FBLL1: variants seen among roughly 807,000 people sequenced by gnomAD.
FBLL1 encodes the protein fibrillarin like rRNA 2'-O-methyltransferase 1.
FBLL1 carries 6 observed loss-of-function variants against 5.7 expected under a neutral mutation model. The observed-to-expected ratio is 1.05, with a 90% CI of 0.57 to 2.07. FBLL1 has a LOEUF of 2.07. Ranked by LOEUF, FBLL1 falls within the 30% of genes most tolerant of loss-of-function variation. The pLI, the probability that FBLL1 is intolerant of heterozygous loss-of-function variation, is 0.00. For missense variants in FBLL1, 258 were observed against 165.2 expected (o/e 1.56, Z -3.08); for synonymous variants, 133 against 75.1 (o/e 1.77, Z -3.99).
At position 168,530,091 on chromosome 5, in the gene FBLL1, ACGGCCTGGTCTACGCCGT is replaced by A; in HGVS notation, c.590_607del (p.Gly197_Val202del). ...CATGTCTCCGACATCATTGGCCCAG[ACGGCCTGGTCTACGCCGT>A]CGAGTTCTCCCACCGCGCCGGCCGC... On this transcript the variant is annotated inframe_deletion, in exon 1 of 1. Coordinates refer to ENST00000338333, the MANE Select transcript of FBLL1 (RefSeq NM_001355274.2). This position sits in a 1 kb window ranked among gnomAD's most constrained non-coding sequence, Gnocchi z 4.9. 1 of 759,310 alleles carries A rather than the reference ACGGCCTGGTCTACGCCGT, an allele frequency of 1.3e-6. No homozygotes were observed. Among genetic ancestry groups the A allele is most frequent in the Non-Finnish European group, 2.4e-6 (1 of 415,472 alleles). 47.0% of individuals were successfully genotyped at this position (759,310 alleles called of 1,614,324 possible).
chr5:168,529,911 C>T lies in FBLL1; in HGVS notation c.407C>T (p.Thr136Met), dbSNP rs780004126. ...GQSVYGERRV[T>M]VTEGGVKQEY... is the part of the protein sequence containing the mutation. ...TCTGTGTACGGCGAGAGGCGCGTCACGGTGACCGAGGGCGGCGTGAAGCAG... is the reference window on the plus strand; with the variant it reads ...TCTGTGTACGGCGAGAGGCGCGTCATGGTGACCGAGGGCGGCGTGAAGCAG... Residue 136 changes from threonine (T) to methionine (M), a missense_variant, in exon 1 of 1, where the codon ACG becomes ATG. Coordinates refer to ENST00000338333, the MANE Select transcript of FBLL1 (RefSeq NM_001355274.2). The surrounding 1 kb of genome is among the most constrained non-coding windows in gnomAD (Gnocchi z 7.2). 6.9e-6 allele frequency: 5 copies of T among 725,668 alleles called. No homozygotes were observed. The highest frequency in any genetic ancestry group is 1.3e-5 in the Non-Finnish European group (5 of 398,562). 45.0% of individuals were successfully genotyped at this position (725,668 alleles called of 1,614,324 possible). A position where few individuals can be genotyped will look rare whatever the true frequency, so the allele number is the denominator to read the frequency against.
Position 168,529,931 on chromosome 5 carries a change from A to C in FBLL1, c.427A>C (p.Lys143Gln). The change falls in exon 1 of 1, where the codon AAG (lysine) becomes CAG (glutamine). Residue 143 changes from lysine to glutamine, a missense_variant. Lys to Gln is a moderately conservative substitution (Grantham distance 53, BLOSUM62 1). Coordinates refer to ENST00000338333, the MANE Select transcript of FBLL1 (RefSeq NM_001355274.2). This position sits in a 1 kb window ranked among gnomAD's most constrained non-coding sequence, Gnocchi z 7.2. ...RRVTVTEGGV[K>Q]QEYRTWNPFR... ...CGTCACGGTGACCGAGGGCGGCGTG[A>C]AGCAGGAGTACCGCACGTGGAACCC... 1.4e-6 allele frequency: 1 copy of C among 734,290 alleles called. No individual in the cohort carries two copies. 45.5% of individuals were successfully genotyped at this position (734,290 alleles called of 1,614,324 possible).
chr5:168,530,612 T>C lies in FBLL1; in HGVS notation c.*103T>C, dbSNP rs1039992259. The C allele has an allele frequency of 2.1e-5, 13 of 613,596 alleles. No homozygotes were observed. The Admixed American group carries it at 3.4e-4, about 16-fold the overall frequency. The allele number at this position is 613,596 out of a possible 1,614,324, so 38.0% of individuals were successfully genotyped here. A position where few individuals can be genotyped will look rare whatever the true frequency, so the allele number is the denominator to read the frequency against. On this transcript the variant is annotated 3_prime_UTR_variant, in exon 1 of 1. Transcript: ENST00000338333. This position sits in a 1 kb window ranked among gnomAD's most constrained non-coding sequence, Gnocchi z 4.9. ...AGTGTTTTGTTTTGTTGTTTTTCTA[T>C]TAAACTGCATAAAGAAACGGCACCT...
rs1473754539 is a variant in FBLL1, at chr5:168,530,383, T to G, written c.879T>G (p.Ser293=). ...STASAEAVFA[S]EVRKLQQENL... ...CATCCGCCGAGGCTGTGTTTGCTTC[T>G]GAGGTGAGGAAGTTGCAGCAGGAGA... The change falls in exon 1 of 1, where the codon TCT becomes TCG. Residue 293 remains serine, a synonymous_variant. Transcript: ENST00000338333. This position sits in a 1 kb window ranked among gnomAD's most constrained non-coding sequence, Gnocchi z 4.9. 3 of 765,238 alleles carry G rather than the reference T, an allele frequency of 3.9e-6. No individual in the cohort carries two copies. The highest frequency in any genetic ancestry group is 7.2e-6 in the Non-Finnish European group (3 of 417,806). The allele number at this position is 765,238 out of a possible 1,614,324, so 47.4% of individuals were successfully genotyped here.
Position 168,530,299 on chromosome 5 carries a change from C to A in FBLL1, c.795C>A (p.Phe265Leu). ...TCGTGGCCCTGAACGCCCACACCTTCCTGCGCAATGGGGGCCACTTTCTCA... is the reference window on the plus strand; with the variant it reads ...TCGTGGCCCTGAACGCCCACACCTTACTGCGCAATGGGGGCCACTTTCTCA... ...SRIVALNAHTFLRNGGHFLIS... is the reference protein window; with the variant it reads ...SRIVALNAHTLLRNGGHFLIS... Residue 265 changes from phenylalanine (F) to leucine (L), a missense_variant, in exon 1 of 1, where the codon TTC becomes TTA. Physicochemically the swap from Phe to Leu is conservative, Grantham distance 22. Transcript: ENST00000338333. This position sits in a 1 kb window ranked among gnomAD's most constrained non-coding sequence, Gnocchi z 4.9. 1.3e-6 allele frequency: 1 copy of A among 765,978 alleles called. No homozygotes were observed. The highest frequency in any genetic ancestry group is 2.4e-6 in the Non-Finnish European group (1 of 418,026). 47.4% of individuals were successfully genotyped at this position (765,978 alleles called of 1,614,324 possible). A position where few individuals can be genotyped will look rare whatever the true frequency, so the allele number is the denominator to read the frequency against.
chr5:168,529,387 C>CCCGCCT lies in FBLL1; in HGVS notation c.-113_-108dup, dbSNP rs1441379591. ...TGCCCCCGCCGCCCGCCGCCCGCCGCCCGCCTCCGCTGCTAAACCCGCGGA... is the reference window on the plus strand; with the variant it reads ...TGCCCCCGCCGCCCGCCGCCCGCCGCCCGCCTCCGCCTCCGCTGCTAAACCCGCGGA... On this transcript the variant is annotated 5_prime_UTR_variant, in exon 1 of 1. Coordinates refer to ENST00000338333, the MANE Select transcript of FBLL1 (RefSeq NM_001355274.2). The surrounding 1 kb of genome is among the most constrained non-coding windows in gnomAD (Gnocchi z 7.2). The CCCGCCT allele has an allele frequency of 7.2e-5, 11 of 153,086 alleles. No individual in the cohort carries two copies. Among genetic ancestry groups the CCCGCCT allele is most frequent in the African/African-American group, 2.6e-4 (11 of 41,538 alleles). The allele number at this position is 153,086 out of a possible 1,614,324, so 9.5% of individuals were successfully genotyped here.
rs756247730 is a variant in FBLL1 at position 168,529,833 on chromosome 5, T to C, written c.329T>C (p.Ile110Thr). ...CCGCACCGGCACGAGGGCGTCTTCA[T>C]CTACCGCGGGGCGGAGGACGCGCTG... is the stretch of plus-strand genomic sequence containing the variant. ...VEPHRHEGVF[I>T]YRGAEDALVT... Residue 110 changes from isoleucine (I) to threonine (T), a missense_variant, in exon 1 of 1, where the codon ATC (isoleucine) becomes ACC (threonine). Ile to Thr is a moderately conservative substitution (Grantham distance 89, BLOSUM62 -1). Transcript: ENST00000338333. The surrounding 1 kb of genome is among the most constrained non-coding windows in gnomAD (Gnocchi z 7.2). The C allele has an allele frequency of 1.1e-3, 769 of 703,390 alleles. No homozygotes were observed. The highest frequency in any genetic ancestry group is 1.7e-3 in the Non-Finnish European group (644 of 385,898). 43.6% of individuals were successfully genotyped at this position (703,390 alleles called of 1,614,324 possible).
chr5:168,530,232 A>G lies in FBLL1; in HGVS notation c.728A>G (p.Asp243Gly), dbSNP rs1190661164. The G allele has an allele frequency of 2.6e-6, 2 of 765,792 alleles. No homozygotes were observed. The highest frequency in any genetic ancestry group is 2.4e-6 in the Non-Finnish European group (1 of 417,984). 47.4% of individuals were successfully genotyped at this position (765,792 alleles called of 1,614,324 possible). ...TACCGCATGCTCATCGGGATGGTGG[A>G]CGTGATCTTCGCCGACGTGGCCCAG... is the stretch of plus-strand genomic sequence containing the variant. ...LKYRMLIGMVDVIFADVAQPD... is the reference protein window; with the variant it reads ...LKYRMLIGMVGVIFADVAQPD... The change falls in exon 1 of 1, where the codon GAC (aspartate) becomes GGC (glycine). Residue 243 changes from aspartate (D) to glycine (G), a missense_variant. Coordinates refer to ENST00000338333, the MANE Select transcript of FBLL1 (RefSeq NM_001355274.2). The surrounding 1 kb of genome is among the most constrained non-coding windows in gnomAD (Gnocchi z 4.9).
chr5:168,530,484 C>G lies in FBLL1; in HGVS notation c.980C>G (p.Pro327Arg). The G allele has an allele frequency of 1.3e-6, 1 of 762,842 alleles. No homozygotes were observed. The highest frequency in any genetic ancestry group is 1.4e-5 in the South Asian group (1 of 74,008). 47.3% of individuals were successfully genotyped at this position (762,842 alleles called of 1,614,324 possible). ...GCTGTGGTGGTCGGGGTCTACCGAC[C>G]TCTTCCCAAGAGCAGCAGCAAATAG... The part of the protein sequence containing the change: ...DHAVVVGVYR[P>R]LPKSSSK Residue 327 changes from proline (P) to arginine (R), a missense_variant, in exon 1 of 1, where the codon CCT (proline) becomes CGT (arginine). Coordinates refer to ENST00000338333, the MANE Select transcript of FBLL1 (RefSeq NM_001355274.2). The surrounding 1 kb of genome is among the most constrained non-coding windows in gnomAD (Gnocchi z 4.9).
Position 168,529,550 on chromosome 5 carries a change from G to C in FBLL1, c.46G>C (p.Gly16Arg), listed in dbSNP as rs1300947364. The change falls in exon 1 of 1, where the codon GGG becomes CGG. Residue 16 changes from glycine to arginine, a missense_variant. Coordinates refer to ENST00000338333, the MANE Select transcript of FBLL1 (RefSeq NM_001355274.2). This position sits in a 1 kb window ranked among gnomAD's most constrained non-coding sequence, Gnocchi z 7.2. ...GCGCGGGGGCGGTGGGGGCGGCCGC[G>C]GGGGCGGCGGCTGGGGCAGCTGGGG... ...SSRGGGGGGR[G>R]GGGWGSWGGG... 1 of 149,606 alleles carries C rather than the reference G, an allele frequency of 6.7e-6. No homozygotes were observed. Among genetic ancestry groups the C allele is most frequent in the African/African-American group, 2.4e-5 (1 of 40,944 alleles). The allele number at this position is 149,606 out of a possible 1,614,324, so 9.3% of individuals were successfully genotyped here. A position where few individuals can be genotyped will look rare whatever the true frequency, so the allele number is the denominator to read the frequency against.
rs1758941878 is a variant in FBLL1 at position 168,529,700 on chromosome 5, C to A, written c.196C>A (p.Arg66Ser). ...CGGCGGGGGCGGCCGGGGCCGGGGG[C>A]GCGGCGGCGGCGACGGCAAGGATCG... Reference protein sequence around the residue: ...GFGGGGRGRGRGGGDGKDRGG... With the variant: ...GFGGGGRGRGSGGGDGKDRGG... The change falls in exon 1 of 1, where the codon CGC becomes AGC. Residue 66 changes from arginine (R) to serine (S), a missense_variant. Arg to Ser is a moderately radical substitution (Grantham distance 110, BLOSUM62 -1). Coordinates refer to ENST00000338333, the MANE Select transcript of FBLL1 (RefSeq NM_001355274.2). The surrounding 1 kb of genome is among the most constrained non-coding windows in gnomAD (Gnocchi z 7.2). 8.3e-6 allele frequency: 3 copies of A among 363,428 alleles called. No homozygotes were observed. The highest frequency in any genetic ancestry group is 1.5e-5 in the Non-Finnish European group (3 of 204,470). 22.5% of individuals were successfully genotyped at this position (363,428 alleles called of 1,614,324 possible).
chr5:168,530,621 A>G lies in FBLL1; in HGVS notation c.*112A>G. On this transcript the variant is annotated 3_prime_UTR_variant, in exon 1 of 1. Coordinates refer to ENST00000338333, the MANE Select transcript of FBLL1 (RefSeq NM_001355274.2). The surrounding 1 kb of genome is among the most constrained non-coding windows in gnomAD (Gnocchi z 4.9). ...TTTTGTTGTTTTTCTATTAAACTGC[A>G]TAAAGAAACGGCACCTATCTGTATG... The G allele has an allele frequency of 1.6e-6, 1 of 610,376 alleles. No homozygotes were observed. Among genetic ancestry groups the G allele is most frequent in the Non-Finnish European group, 2.9e-6 (1 of 343,744 alleles). The allele number at this position is 610,376 out of a possible 1,614,324, so 37.8% of individuals were successfully genotyped here. A position where few individuals can be genotyped will look rare whatever the true frequency, so the allele number is the denominator to read the frequency against.
Position 168,530,550 on chromosome 5 carries a change from TTG to T in FBLL1, c.*45_*46del, listed in dbSNP as rs1365205291. On this transcript the variant is annotated 3_prime_UTR_variant, in exon 1 of 1. Coordinates refer to ENST00000338333, the MANE Select transcript of FBLL1 (RefSeq NM_001355274.2). This position sits in a 1 kb window ranked among gnomAD's most constrained non-coding sequence, Gnocchi z 4.9. The stretch of plus-strand genomic sequence containing the variant: ...CGCCTGCCATCTCCCCAAGGCTGCG[TTG>T]TGTTTGCTATTATTTTCTGTGTGTT... 4 of 698,148 alleles carry T rather than the reference TTG, an allele frequency of 5.7e-6. No individual in the cohort carries two copies. The African/African-American group carries it at 7.1e-5, about 12-fold the overall frequency. The allele number at this position is 698,148 out of a possible 1,614,324, so 43.2% of individuals were successfully genotyped here. A position where few individuals can be genotyped will look rare whatever the true frequency, so the allele number is the denominator to read the frequency against.
Position 168,529,878 on chromosome 5 carries a change from C to G in FBLL1, c.374C>G (p.Pro125Arg). 1 of 714,776 alleles carries G rather than the reference C, an allele frequency of 1.4e-6. No individual in the cohort carries two copies. The highest frequency in any genetic ancestry group is 1.5e-5 in the South Asian group (1 of 67,764). The allele number at this position is 714,776 out of a possible 1,614,324, so 44.3% of individuals were successfully genotyped here. Residue 125 changes from proline (P) to arginine (R), a missense_variant, in exon 1 of 1, where the codon CCG becomes CGG. Physicochemically the swap from Pro to Arg is moderately radical, Grantham distance 103 (BLOSUM62 -2). Coordinates refer to ENST00000338333, the MANE Select transcript of FBLL1 (RefSeq NM_001355274.2). The surrounding 1 kb of genome is among the most constrained non-coding windows in gnomAD (Gnocchi z 7.2). Reference sequence around the variant, plus strand: ...GCGCTGGTCACGCTGAACATGGTGCCGGGCCAGTCTGTGTACGGCGAGAGG... The same window carrying G: ...GCGCTGGTCACGCTGAACATGGTGCGGGGCCAGTCTGTGTACGGCGAGAGG... ...EDALVTLNMV[P>R]GQSVYGERRV...
At position 168,529,853 on chromosome 5, in the gene FBLL1, G is replaced by A; in HGVS notation, c.349G>A (p.Ala117Thr). Residue 117 changes from alanine (A) to threonine (T), a missense_variant, in exon 1 of 1, where the codon GCG becomes ACG. By Grantham distance (58) the Ala-to-Thr change is moderately conservative. Transcript: ENST00000338333. The surrounding 1 kb of genome is among the most constrained non-coding windows in gnomAD (Gnocchi z 7.2). ...CTTCATCTACCGCGGGGCGGAGGAC[G>A]CGCTGGTCACGCTGAACATGGTGCC... ...GVFIYRGAED[A>T]LVTLNMVPGQ... The A allele has an allele frequency of 1.4e-6, 1 of 707,458 alleles. No individual in the cohort carries two copies. Among genetic ancestry groups the A allele is most frequent in the Non-Finnish European group, 2.6e-6 (1 of 388,164 alleles). The allele number at this position is 707,458 out of a possible 1,614,324, so 43.8% of individuals were successfully genotyped here. A position where few individuals can be genotyped will look rare whatever the true frequency, so the allele number is the denominator to read the frequency against.
rs776234498 is a variant in FBLL1 at position 168,530,092 on chromosome 5, C to G, written c.588C>G (p.Asp196Glu). The G allele has an allele frequency of 2.6e-6, 2 of 759,344 alleles. No individual in the cohort carries two copies. The highest frequency in any genetic ancestry group is 2.7e-5 in the South Asian group (2 of 73,562). The allele number at this position is 759,344 out of a possible 1,614,324, so 47.0% of individuals were successfully genotyped here. The change falls in exon 1 of 1, where the codon GAC (aspartate) becomes GAG (glutamate). Residue 196 changes from aspartate to glutamate, a missense_variant. Physicochemically the swap from Asp to Glu is conservative, Grantham distance 45. Transcript: ENST00000338333. This position sits in a 1 kb window ranked among gnomAD's most constrained non-coding sequence, Gnocchi z 4.9. ...ATGTCTCCGACATCATTGGCCCAGA[C>G]GGCCTGGTCTACGCCGTCGAGTTCT... ...VSHVSDIIGP[D>E]GLVYAVEFSH...
At position 168,529,608 on chromosome 5, in the gene FBLL1, A is replaced by T. The variant is rs1758936979; in HGVS notation, c.104A>T (p.Lys35Met). 1.5e-5 allele frequency: 2 copies of T among 137,166 alleles called. No homozygotes were observed. Among genetic ancestry groups the T allele is most frequent in the Admixed American group, 1.4e-4 (2 of 13,918 alleles). The allele number at this position is 137,166 out of a possible 1,614,324, so 8.5% of individuals were successfully genotyped here. Reference sequence around the variant, plus strand: ...CGAGGCGGCGGCGGCGGCGCGGGCAAGGGCGGCGGGGGCGACGGCGGCGGC... The same window carrying T: ...CGAGGCGGCGGCGGCGGCGCGGGCATGGGCGGCGGGGGCGACGGCGGCGGC... ...GGRGGGGGAG[K>M]GGGGDGGGQG... Residue 35 changes from lysine to methionine, a missense_variant, in exon 1 of 1, where the codon AAG becomes ATG. Transcript: ENST00000338333. This position sits in a 1 kb window ranked among gnomAD's most constrained non-coding sequence, Gnocchi z 7.2.
Position 168,530,112 on chromosome 5 carries a change from A to G in FBLL1, c.608A>G (p.Glu203Gly), listed in dbSNP as rs776593844. 50 of 762,218 alleles carry G rather than the reference A, an allele frequency of 6.6e-5. No homozygotes were observed. Among genetic ancestry groups the G allele is most frequent in the Non-Finnish European group, 1.2e-4 (48 of 416,680 alleles). The allele number at this position is 762,218 out of a possible 1,614,324, so 47.2% of individuals were successfully genotyped here. ...CCAGACGGCCTGGTCTACGCCGTCG[A>G]GTTCTCCCACCGCGCCGGCCGCGAT... ...IGPDGLVYAV[E>G]FSHRAGRDLV... is the part of the protein sequence containing the mutation. Residue 203 changes from glutamate (E) to glycine (G), a missense_variant, in exon 1 of 1, where the codon GAG (glutamate) becomes GGG (glycine). Coordinates refer to ENST00000338333, the MANE Select transcript of FBLL1 (RefSeq NM_001355274.2). The surrounding 1 kb of genome is among the most constrained non-coding windows in gnomAD (Gnocchi z 4.9).
chr5:168,530,073 C>A lies in FBLL1; in HGVS notation c.569C>A (p.Ser190Tyr). Residue 190 changes from serine (S) to tyrosine (Y), a missense_variant, in exon 1 of 1, where the codon TCC becomes TAC. Coordinates refer to ENST00000338333, the MANE Select transcript of FBLL1 (RefSeq NM_001355274.2). The surrounding 1 kb of genome is among the most constrained non-coding windows in gnomAD (Gnocchi z 4.9). ...TCGGGCACCACCGTCTCCCATGTCT[C>A]CGACATCATTGGCCCAGACGGCCTG... ...AASGTTVSHV[S>Y]DIIGPDGLVY... The A allele has an allele frequency of 1.3e-6, 1 of 758,762 alleles. No homozygotes were observed. Among genetic ancestry groups the A allele is most frequent in the Admixed American group, 1.7e-5 (1 of 58,078 alleles). 47.0% of individuals were successfully genotyped at this position (758,762 alleles called of 1,614,324 possible). A position where few individuals can be genotyped will look rare whatever the true frequency, so the allele number is the denominator to read the frequency against.
Sources: gnomAD v4.1 joint callset for allele counts on GRCh38, gnomAD v4.1.1 for gene constraint, Gnocchi (gnomAD v3.1) non-coding constraint, MANE v1.5 for transcripts, NCBI Gene and HGNC (gene_info 2026-07-23, HGNC 2026-07-21) for gene names.